The following SYNE2 variants were observed in gnomAD, a reference collection of about 807,000 sequenced individuals.
SYNE2 encodes the protein spectrin repeat containing nuclear envelope protein 2.
In SYNE2, 431 loss-of-function variants were observed where a neutral mutation model predicts 856.3. That is an observed-to-expected ratio of 0.50 (90% confidence interval 0.47 to 0.55). SYNE2 has a LOEUF of 0.55. SYNE2 is among the 20% of genes least tolerant of loss of function. The pLI, the probability that SYNE2 is intolerant of heterozygous loss-of-function variation, is 0.00. For missense variants in SYNE2, 8,129 were observed against 8,023.2 expected (o/e 1.01, Z -0.50); for synonymous variants, 2,923 against 2,872.3 (o/e 1.02, Z -0.56).
At chr14:64,017,466 T>C (rs1255677738) in intron 33 of SYNE2, 129 bp from the exon 34 acceptor site, 96 of 742,030 alleles carry the variant, frequency 1.3e-4, no homozygotes, top group Non-Finnish European at 4.5e-6. Context: ...CAAATTTTTG[T>C]TGATGAATAA....
At position 64,117,090 on chromosome 14, in the gene SYNE2, C is replaced by T. The variant is rs376109320; in HGVS notation, c.12841-2337C>T. ...AAGACCCCCAATGGATGCCTGAAAC[C>T]GTGGATAGTACCAAACTCTGTGTGT... On this transcript the variant is annotated intron_variant, in intron 66 of 115. Coordinates refer to ENST00000555002, the MANE Select transcript of SYNE2 (RefSeq NM_182914.3). Among the ~76,000 whole-genome samples the T allele has an allele frequency of 1.2e-4, 18 of 152,170 alleles. No individual in the cohort carries two copies. The East Asian group carries it at 1.4e-3, about 11-fold the overall frequency.
At chr14:63,900,456 T>G (rs1432547111) in intron 1 of SYNE2, among the ~76,000 whole-genome samples, 1 of 151,758 alleles carries the variant, frequency 6.6e-6, no homozygotes, top group Admixed American at 6.6e-5. Flanking sequence ...GCAGGAAAAC[T>G]CCCCCAATAG....
At chr14:63,995,245 G>A (rs754315710) in intron 23 of SYNE2, 43 bp downstream of exon 23, 16 of 1,551,692 alleles carry the variant, frequency 1.0e-5, no homozygotes, top group South Asian at 4.5e-5. Flanking sequence ...ATCATTTTGG[G>A]GTTTATCTTA....
chr14:64,010,224 G>A (rs1235926234), intron 32 of SYNE2, 108 bp downstream of exon 32: 1 of 1,220,324 alleles, frequency 8.2e-7, no homozygotes, highest in African/African-American at 1.5e-5. Context: ...TTTAAAAGAA[G>A]TTACTAGTGA....
intron 1 of SYNE2, among the ~76,000 whole-genome samples, chr14:63,889,555 A>G (rs116630161): frequency 0.021 from 3,176 of 152,148 alleles, 136 homozygotes; most frequent in African/African-American, 0.073. Flanking sequence ...AGCTCACTTT[A>G]GCCTCAAACT....
At chr14:63,929,102 C>T (rs941627808) in intron 2 of SYNE2, among the ~76,000 whole-genome samples, 1 of 152,102 alleles carries the variant, frequency 6.6e-6, no homozygotes, top group Non-Finnish European at 1.5e-5. Flanking sequence ...ATAGGACCAT[C>T]TTTTGTTCTA....
intron 16 of SYNE2, 61 bp downstream of exon 16, chr14:63,981,234 C>G (rs1354219860): frequency 1.7e-5 from 24 of 1,400,336 alleles, no homozygotes; most frequent in Non-Finnish European, 2.4e-5. Flanking sequence ...TTTTGTGACC[C>G]TCATTTTCAA....
chr14:63,865,431 G>T (rs988458367), intron 1 of SYNE2, among the ~76,000 whole-genome samples: 1 of 151,386 alleles, frequency 6.6e-6, no homozygotes. Flanking sequence ...TTGAGCTGAG[G>T]GTGTATTGCC....
chr14:64,106,105 T>C (rs1283542178), intron 64 of SYNE2, among the ~76,000 whole-genome samples: 2 of 147,514 alleles, frequency 1.4e-5, no homozygotes, highest in African/African-American at 5.1e-5. Context: ...ATATTTCTCC[T>C]AGGTATACAT....
Position 63,942,137 on chromosome 14 carries a change from C to T in SYNE2, c.402C>T (p.His134=), listed in dbSNP as rs2153417811. ...GCCTAATTTGGACAATTATCCTGCA[C>T]TTTCATGTAAGTAGTTTGATGATAT... ...ILGLIWTIIL[H]FHIEKLAQTL... The change falls in exon 6 of 116, where the codon CAC becomes CAT. Residue 134 remains histidine (H), a synonymous_variant. Coordinates refer to ENST00000555002, the MANE Select transcript of SYNE2 (RefSeq NM_182914.3). 1 of 1,574,384 alleles carries T rather than the reference C, an allele frequency of 6.4e-7. No homozygotes were observed.
In SYNE2 at chr14:64,100,527, AAAAAATATAT is replaced by A. The variant is rs1403927184; in HGVS notation, c.12382-1403_12382-1394del. Among the ~76,000 whole-genome samples the A allele has an allele frequency of 1.2e-4, 8 of 66,222 alleles. No homozygotes were observed. The South Asian group carries it at 1.7e-3, about 14-fold the overall frequency. 43.4% of individuals were successfully genotyped at this position (66,222 alleles called of 152,430 possible). On this transcript the variant is annotated intron_variant, in intron 63 of 115. Coordinates refer to ENST00000555002, the MANE Select transcript of SYNE2 (RefSeq NM_182914.3). Reference sequence around the variant, plus strand: ...GCAAAACTGTCTCAAAAAAAAAAAAAAAAAATATATATATATATATATATATATATATATA... The same window carrying A: ...GCAAAACTGTCTCAAAAAAAAAAAAAATATATATATATATATATATATATA...
At chr14:64,192,318 G>C (rs1408153288) in intron 99 of SYNE2, among the ~76,000 whole-genome samples, 1 of 152,150 alleles carries the variant, frequency 6.6e-6, no homozygotes, top group Admixed American at 6.5e-5. Context: ...CTAGTCGAGG[G>C]TATGATGGCA....
At chr14:63,861,806 A>G (rs528937535) in intron 1 of SYNE2, among the ~76,000 whole-genome samples, 3 of 152,332 alleles carry the variant, frequency 2.0e-5, no homozygotes, top group East Asian at 3.9e-4. Flanking sequence ...CAATTTTACT[A>G]TGTGTGTTGT....
At chr14:63,860,825 G>A (rs1270177663) in intron 1 of SYNE2, among the ~76,000 whole-genome samples, 1 of 152,188 alleles carries the variant, frequency 6.6e-6, no homozygotes, top group East Asian at 1.9e-4. Context: ...CTGTCTAGAA[G>A]CAGAAAGGCC....
rs941022105 is a variant in SYNE2 at position 64,025,296 on chromosome 14, G to A, written c.6127G>A (p.Asp2043Asn). 2 of 1,614,076 alleles carry A rather than the reference G, an allele frequency of 1.2e-6. No homozygotes were observed. Among genetic ancestry groups the A allele is most frequent in the Non-Finnish European group, 1.7e-6 (2 of 1,179,988 alleles). ...EEEDKLLPTE[D>N]QSFNDLAHDV... is the part of the protein sequence containing the mutation. ...AGAGGATAAGTTACTACCCACAGAG[G>A]ACCAGAGCTTTAATGATCTTGCACA... Residue 2043 changes from aspartate (D) to asparagine (N), a missense_variant, in exon 41 of 116, where the codon GAC (aspartate) becomes AAC (asparagine). Physicochemically the swap from Asp to Asn is conservative, Grantham distance 23. Around this residue, in one of 3 missense-constraint regions of SYNE2, gnomAD observed 2,422 missense variants for 2,357.4 expected, o/e 1.03. Transcript: ENST00000555002.
intron 49 of SYNE2, among the ~76,000 whole-genome samples, chr14:64,058,051 C>A (rs1206856788): frequency 6.6e-6 from 1 of 152,158 alleles, no homozygotes; most frequent in Non-Finnish European, 1.5e-5. Context: ...CAAATATTTT[C>A]TCTCATTCTG....
At chr14:63,826,631 A>G (rs769124857) in intron 1 of SYNE2, among the ~76,000 whole-genome samples, 11 of 152,060 alleles carry the variant, frequency 7.2e-5, no homozygotes, top group Non-Finnish European at 1.3e-4. Context: ...TGTTCCTGGG[A>G]CAACATGATA....
chr14:64,143,760 T>C lies in SYNE2; in HGVS notation c.15307-12T>C, dbSNP rs780384427. ...TCATGACTGCTTTGGTGTTTAACTTTGCTTATTTTAGGAGTTTAGAATGGA... is the reference window on the plus strand; with the variant it reads ...TCATGACTGCTTTGGTGTTTAACTTCGCTTATTTTAGGAGTTTAGAATGGA... On this transcript the variant is annotated splice_polypyrimidine_tract_variant and intron_variant, in intron 82 of 115. Transcript: ENST00000555002. The C allele has an allele frequency of 7.4e-6, 12 of 1,614,126 alleles. No homozygotes were observed. The East Asian group carries it at 2.5e-4, about 33-fold the overall frequency.
At chr14:64,189,523 G>T (rs2098507825) in intron 98 of SYNE2, among the ~76,000 whole-genome samples, 1 of 152,216 alleles carries the variant, frequency 6.6e-6, no homozygotes, top group African/African-American at 2.4e-5. Context: ...ATGCTCAGTT[G>T]TCCTCAGCTC....
Sources: gnomAD v4.1 joint callset for allele counts (sites outside exome capture counted in the v4.1 genomes callset) on GRCh38, gnomAD v4.1.1 for gene constraint, gnomAD v4.1.1 regional missense constraint, MANE v1.5 for transcripts, NCBI Gene and HGNC (gene_info 2026-07-23, HGNC 2026-07-21) for gene names.